The following ST6GALNAC3 variants were observed in gnomAD, a reference collection of about 807,000 sequenced individuals.
The protein encoded by ST6GALNAC3 is alpha-N-acetylgalactosaminide alpha-2,6-sialyltransferase 3.
ST6GALNAC3 carries 25 observed loss-of-function variants against 32.7 expected under a neutral mutation model. The ratio of observed to expected loss-of-function variants is 0.76; its 90% confidence interval spans 0.56 to 1.07. The LOEUF (loss-of-function observed/expected upper bound fraction) is 1.07. Among genes scored for constraint, ST6GALNAC3 ranks in the 50% least tolerant of loss-of-function variants. ST6GALNAC3 has a pLI of 0.00. For synonymous variants in ST6GALNAC3, 129 were observed against 133.1 expected, an observed-to-expected ratio of 0.97 and a Z score of 0.21; for missense variants, 355 against 382.4, an observed-to-expected ratio of 0.93 and a Z score of 0.60.
chr1:76,613,594 G>A (rs771327146), intron 3 of ST6GALNAC3, among the ~76,000 whole-genome samples: 2 of 152,210 alleles, frequency 1.3e-5, no homozygotes, highest in Non-Finnish European at 2.9e-5. Flanking sequence ...GGAGGGGCCT[G>A]GTGGGAGGTG....
intron 1 of ST6GALNAC3, among the ~76,000 whole-genome samples, chr1:76,098,705 A>G (rs896755530): frequency 2.6e-5 from 4 of 152,092 alleles, no homozygotes; most frequent in Non-Finnish European, 5.9e-5. Context: ...TGTTGCAAAT[A>G]TCTTCTTCCA....
At chr1:76,292,764 C>T (rs189332775) in intron 1 of ST6GALNAC3, among the ~76,000 whole-genome samples, 3 of 152,270 alleles carry the variant, frequency 2.0e-5, no homozygotes, top group South Asian at 2.1e-4. Context: ...TCCTTGAATG[C>T]GATTCTGTGC....
In ST6GALNAC3 at chr1:76,190,294, A is replaced by G. The variant is rs544711889; in HGVS notation, c.18+115410A>G. ...AGATAGGAAGAAAGGATTTTTTCAT[A>G]GCAATGCAAAACTGTTAGAAAAGTG... On this transcript the variant is annotated intron_variant, in intron 1 of 4. Transcript: ENST00000328299. Among the ~76,000 whole-genome samples, 45 of 152,330 alleles carry G rather than the reference A, an allele frequency of 3.0e-4. No homozygotes were observed. The South Asian group carries it at 9.1e-3, about 31-fold the overall frequency.
At chr1:76,255,626 C>T (rs1158879213) in intron 1 of ST6GALNAC3, among the ~76,000 whole-genome samples, 1 of 152,092 alleles carries the variant, frequency 6.6e-6, no homozygotes, top group Non-Finnish European at 1.5e-5. Context: ...CTACAGTCCC[C>T]ACTGCTCCTT....
chr1:76,637,027 A>C (rs1649521144), downstream of ST6GALNAC3: 1 of 151,196 alleles, frequency 6.6e-6, no homozygotes, highest in African/African-American at 2.4e-5. Flanking sequence ...TGTTTAGTTT[A>C]ATCAGAGTGG....
intron 3 of ST6GALNAC3, among the ~76,000 whole-genome samples, chr1:76,498,391 C>T (rs1344233796): frequency 3.9e-5 from 6 of 152,174 alleles, no homozygotes; most frequent in Admixed American, 2.0e-4. Context: ...CCAATCTCTA[C>T]TACTGATGAG....
chr1:76,108,771 G>T (rs1310130494), intron 1 of ST6GALNAC3, among the ~76,000 whole-genome samples: 1 of 152,088 alleles, frequency 6.6e-6, no homozygotes, highest in Non-Finnish European at 1.5e-5. Context: ...CTCATTAATG[G>T]TTAGGTGTAG....
intron 3 of ST6GALNAC3, among the ~76,000 whole-genome samples, chr1:76,578,122 AT>A (rs1646838093): frequency 6.6e-6 from 1 of 152,022 alleles, no homozygotes; most frequent in African/African-American, 2.4e-5. Flanking sequence ...TAGAATATCC[AT>A]TTTGAGGTGT....
intron 2 of ST6GALNAC3, among the ~76,000 whole-genome samples, chr1:76,392,470 A>G (rs769687202): frequency 6.6e-6 from 1 of 152,232 alleles, no homozygotes; most frequent in Admixed American, 6.5e-5. Flanking sequence ...ATTATGTCAG[A>G]TGAAAAGTGC....
intron 1 of ST6GALNAC3, among the ~76,000 whole-genome samples, chr1:76,304,092 C>T (rs923920425): frequency 6.6e-6 from 1 of 151,870 alleles, no homozygotes; most frequent in African/African-American, 2.4e-5. Context: ...TAATCTGAAT[C>T]TGAAATTTTT....
intron 1 of ST6GALNAC3, among the ~76,000 whole-genome samples, chr1:76,270,983 C>T (rs1462872334): frequency 1.3e-5 from 2 of 152,158 alleles, no homozygotes; most frequent in Non-Finnish European, 2.9e-5. Flanking sequence ...CAAGGGACAA[C>T]GGGCTCAAAG....
At chr1:76,497,134 C>T (rs1003559822) in intron 3 of ST6GALNAC3, among the ~76,000 whole-genome samples, 1 of 152,124 alleles carries the variant, frequency 6.6e-6, no homozygotes, top group Non-Finnish European at 1.5e-5. Context: ...TTGGAATTCT[C>T]TGTGGAAGGG....
At chr1:76,469,374 G>A (rs925777901) in intron 3 of ST6GALNAC3, among the ~76,000 whole-genome samples, 1 of 152,000 alleles carries the variant, frequency 6.6e-6, no homozygotes, top group African/African-American at 2.4e-5. Flanking sequence ...CCTAGTGTAG[G>A]TGTTTAGTAA....
intron 3 of ST6GALNAC3, among the ~76,000 whole-genome samples, chr1:76,494,431 A>G (rs1343102996): frequency 0.016 from 280 of 17,002 alleles, 2 homozygotes; most frequent in Middle Eastern, 0.042. Context: ...GTGCATGTGT[A>G]TATATATATA....
At position 76,156,460 on chromosome 1, in the gene ST6GALNAC3, T is replaced by A. The variant is rs1651432705; in HGVS notation, c.18+81576T>A. On this transcript the variant is annotated intron_variant, in intron 1 of 4. Coordinates refer to ENST00000328299, the MANE Select transcript of ST6GALNAC3 (RefSeq NM_152996.4). ...TTCCCCATTTATTTACGTATTCAAT[T>A]GTTTATTTCTATCAATATGGACTCA... is the stretch of plus-strand genomic sequence containing the variant. Among the ~76,000 whole-genome samples, 3 of 152,182 alleles carry A rather than the reference T, an allele frequency of 2.0e-5. No homozygotes were observed. The South Asian group carries it at 6.2e-4, about 31-fold the overall frequency.
intron 3 of ST6GALNAC3, among the ~76,000 whole-genome samples, chr1:76,491,002 A>G (rs543958308): frequency 6.6e-6 from 1 of 151,644 alleles, no homozygotes; most frequent in African/African-American, 2.4e-5. Flanking sequence ...GGGATTACGG[A>G]CATGCGCCAC....
intron 3 of ST6GALNAC3, among the ~76,000 whole-genome samples, chr1:76,521,763 T>G (rs1485450809): frequency 2.6e-5 from 4 of 151,916 alleles, no homozygotes; most frequent in African/African-American, 9.7e-5. Flanking sequence ...TGACATTTAT[T>G]TTTAGCATTT....
At chr1:76,305,488 C>A (rs1212724667) in intron 1 of ST6GALNAC3, among the ~76,000 whole-genome samples, 4 of 151,950 alleles carry the variant, frequency 2.6e-5, no homozygotes. Flanking sequence ...CCAGAGGGAT[C>A]TAAATGTAGG....
intron 3 of ST6GALNAC3, among the ~76,000 whole-genome samples, chr1:76,452,428 T>G (rs1284484470): frequency 6.6e-6 from 1 of 152,222 alleles, no homozygotes; most frequent in Non-Finnish European, 1.5e-5. Flanking sequence ...TACAGATGGC[T>G]TTTATTGCAT....
Sources: allele counts gnomAD v4.1 joint callset (sites outside exome capture counted in the v4.1 genomes callset), GRCh38; gene constraint gnomAD v4.1.1; transcripts MANE v1.5; gene names NCBI Gene and HGNC (gene_info 2026-07-23, HGNC 2026-07-21).